The following PRCP variants were observed in gnomAD, a reference collection of about 807,000 sequenced individuals.
The protein encoded by PRCP is lysosomal Pro-X carboxypeptidase.
Under a neutral mutation model 54.2 loss-of-function variants are expected in PRCP, and 46 were observed. That is an observed-to-expected ratio of 0.85 (90% CI 0.67 to 1.09). PRCP has a LOEUF of 1.09. Among genes scored for constraint, PRCP ranks in the 50% least tolerant of loss-of-function variants. The probability of loss-of-function intolerance (pLI) is 0.00; values close to 1 mark genes in which losing one functional copy is unlikely to be tolerated. For synonymous variants in PRCP, 240 were observed against 212.2 expected (o/e 1.13, Z -1.14); for missense variants, 613 against 596.8 (o/e 1.03, Z -0.28).
intron 7 of PRCP, 56 bp downstream of exon 7, chr11:82,839,205 A>G: frequency 1.3e-6 from 2 of 1,545,162 alleles, no homozygotes; most frequent in African/African-American, 1.4e-5. Flanking sequence ...TTTTTTTTAC[A>G]GCACAACTGT....
At chr11:82,878,484 T>C (rs1591066547) in intron 1 of PRCP, among the ~76,000 whole-genome samples, 1 of 152,178 alleles carries the variant, frequency 6.6e-6, no homozygotes. Context: ...AATTGAATCA[T>C]GGGGGTCGTT....
chr11:82,850,448 A>G lies in PRCP; in HGVS notation c.469T>C (p.Leu157=). 1.9e-6 allele frequency: 3 copies of G among 1,603,878 alleles called. No individual in the cohort carries two copies. Among genetic ancestry groups the G allele is most frequent in the South Asian group, 1.1e-5 (1 of 89,432 alleles). ...SEQALADFAE[L]IKHLKRTIPG... is the part of the protein sequence containing the mutation. ...ATTGTTCTTTTCAAGTGTTTGATTAACTCTGCAAAATCAGCCAGAGCTTGT... is the reference window on the plus strand; with the variant it reads ...ATTGTTCTTTTCAAGTGTTTGATTAGCTCTGCAAAATCAGCCAGAGCTTGT... The change falls in exon 4 of 9, where the codon TTA becomes CTA. Residue 157 remains leucine (L), a synonymous_variant. Transcript: ENST00000313010.
chr11:82,843,582 T>C (rs1204358265), intron 6 of PRCP, among the ~76,000 whole-genome samples: 1 of 80,420 alleles, frequency 1.2e-5, no homozygotes, highest in African/African-American at 6.4e-5. Context: ...CAGACAACCA[T>C]CTCTGTCCAA....
chr11:82,884,176 G>A (rs971203034), intron 1 of PRCP, among the ~76,000 whole-genome samples: 2 of 152,188 alleles, frequency 1.3e-5, no homozygotes, highest in Middle Eastern at 3.2e-3. Flanking sequence ...CCATTGTTTG[G>A]GTTGTAGTTC....
At chr11:82,873,072 T>C (rs1442860984) in intron 1 of PRCP, among the ~76,000 whole-genome samples, 3 of 150,886 alleles carry the variant, frequency 2.0e-5, no homozygotes, top group African/African-American at 7.3e-5. Context: ...ATCTGTTTTT[T>C]TTTTTTTAAA....
intron 1 of PRCP, among the ~76,000 whole-genome samples, chr11:82,882,496 T>TAAAATACTGAAATATTTCCA (rs1565234158): frequency 1.4e-5 from 2 of 143,582 alleles, no homozygotes; most frequent in African/African-American, 5.2e-5. Context: ...AGCCAGTTCT[T>TAAAATACTGAAATATTTCCA]TTTTTTTTTT....
intron 1 of PRCP, among the ~76,000 whole-genome samples, chr11:82,885,405 G>A (rs1021325142): frequency 6.6e-6 from 1 of 152,102 alleles, no homozygotes; most frequent in African/African-American, 2.4e-5. Flanking sequence ...CATCTCAAGG[G>A]ACTATTTATT....
At chr11:82,858,328 C>G (rs1208056161) in intron 2 of PRCP, 1 of 152,230 alleles carries the variant, frequency 6.6e-6, no homozygotes. Context: ...CAAACCTTGT[C>G]TATCTGACTG....
intron 1 of PRCP, among the ~76,000 whole-genome samples, chr11:82,895,225 T>G (rs1195671259): frequency 6.6e-6 from 1 of 152,232 alleles, no homozygotes; most frequent in Non-Finnish European, 1.5e-5. Flanking sequence ...ATTTTGCTGA[T>G]TATGAAAATA....
intron 1 of PRCP, among the ~76,000 whole-genome samples, chr11:82,866,519 C>T (rs1859340023): frequency 6.6e-6 from 1 of 151,874 alleles, no homozygotes; most frequent in Admixed American, 6.6e-5. Context: ...TGCCCCTAAT[C>T]TTAAAAATGA....
At chr11:82,843,495 T>A (rs944201009) in intron 6 of PRCP, among the ~76,000 whole-genome samples, 1 of 152,216 alleles carries the variant, frequency 6.6e-6, no homozygotes, top group African/African-American at 2.4e-5. Flanking sequence ...TTAACCCTGA[T>A]AATGTGCAGA....
At chr11:82,833,808 A>G (rs931109359) in intron 8 of PRCP, among the ~76,000 whole-genome samples, 2 of 152,170 alleles carry the variant, frequency 1.3e-5, no homozygotes, top group Non-Finnish European at 2.9e-5. Context: ...AAAAAAGCTT[A>G]AGTAATTTTA....
At position 82,824,993 on chromosome 11, in the gene PRCP, C is replaced by T. The variant is rs756151050; in HGVS notation, c.1404G>A (p.Met468Ile). Residue 468 changes from methionine (M) to isoleucine (I), a missense_variant, in exon 9 of 9, where the codon ATG (methionine) becomes ATA (isoleucine). Coordinates refer to ENST00000313010, the MANE Select transcript of PRCP (RefSeq NM_005040.4). Reference protein sequence around the residue: ...DLRTKNALDPMSVLLARSLEV... With the variant: ...DLRTKNALDPISVLLARSLEV... ...CCAAGGAGCGGGCTAACAGCACAGA[C>T]ATAGGATCCAAGGCATTCTTGGTGC... The T allele has an allele frequency of 7.2e-5, 116 of 1,614,032 alleles. No individual in the cohort carries two copies. Among genetic ancestry groups the T allele is most frequent in the Non-Finnish European group, 9.7e-5 (114 of 1,180,016 alleles).
intron 1 of PRCP, among the ~76,000 whole-genome samples, chr11:82,864,538 A>G (rs1268872513): frequency 6.6e-6 from 1 of 152,234 alleles, no homozygotes; most frequent in Admixed American, 6.5e-5. Context: ...AAGAGGTCAC[A>G]TGACTTAGCC....
chr11:82,854,157 C>T (rs2121157195), intron 2 of PRCP, among the ~76,000 whole-genome samples: 1 of 152,198 alleles, frequency 6.6e-6, no homozygotes, highest in East Asian at 1.9e-4. Flanking sequence ...ATAGCCAGTG[C>T]AATCAGGCAA....
At chr11:82,870,257 A>T (rs577795965) in intron 1 of PRCP, among the ~76,000 whole-genome samples, 1 of 152,242 alleles carries the variant, frequency 6.6e-6, no homozygotes, top group Non-Finnish European at 1.5e-5. Flanking sequence ...TGTTGATTTG[A>T]TCAATGTGTA....
chr11:82,824,659 C>A lies in PRCP; in HGVS notation c.*247G>T. 1 of 472,736 alleles carries A rather than the reference C, an allele frequency of 2.1e-6. No individual in the cohort carries two copies. Among genetic ancestry groups the A allele is most frequent in the Non-Finnish European group, 3.8e-6 (1 of 260,308 alleles). The allele number at this position is 472,736 out of a possible 1,614,324, so 29.3% of individuals were successfully genotyped here. ...AGGAACTCTACTCCAGTTATGAGGG[C>A]CACTGATGGTGTGGGAGAGCTATCA... is the stretch of plus-strand genomic sequence containing the variant. On this transcript the variant is annotated 3_prime_UTR_variant, in exon 9 of 9. Coordinates refer to ENST00000313010, the MANE Select transcript of PRCP (RefSeq NM_005040.4).
At chr11:82,887,621 C>G (rs552427435) in intron 1 of PRCP, among the ~76,000 whole-genome samples, 1 of 152,200 alleles carries the variant, frequency 6.6e-6, no homozygotes, top group South Asian at 2.1e-4. Context: ...AGCAAAGTCT[C>G]TTTCCCTCTT....
chr11:82,847,755 G>A (rs900225257), intron 6 of PRCP, among the ~76,000 whole-genome samples: 4 of 151,976 alleles, frequency 2.6e-5, no homozygotes, highest in Non-Finnish European at 5.9e-5. Flanking sequence ...CCTATGCCCT[G>A]CTAATTTTTT....
Sources: gnomAD v4.1 joint callset for allele counts (sites outside exome capture counted in the v4.1 genomes callset) on GRCh38, gnomAD v4.1.1 for gene constraint, MANE v1.5 for transcripts, NCBI Gene and HGNC (gene_info 2026-07-23, HGNC 2026-07-21) for gene names.